PCSK2: variants seen among roughly 807,000 people sequenced by gnomAD.
PCSK2 encodes the protein neuroendocrine convertase 2.
Under a neutral mutation model 69.7 loss-of-function variants are expected in PCSK2, and 14 were observed. The ratio of observed to expected loss-of-function variants is 0.20; its 90% CI spans 0.13 to 0.31. The LOEUF (loss-of-function observed/expected upper bound fraction) is 0.31, where lower values mean the gene tolerates loss of function less well. Among genes scored for constraint, PCSK2 ranks in the 10% least tolerant of loss-of-function variants. PCSK2 has a pLI of 1.00. For synonymous variants in PCSK2, 307 were observed against 320.7 expected, an observed-to-expected ratio of 0.96 and a Z score of 0.46; for missense variants, 544 against 842.5, an observed-to-expected ratio of 0.65 and a Z score of 4.39.
chr20:17,274,139 CAT>C (rs1276100429), intron 2 of PCSK2, among the ~76,000 whole-genome samples: 5 of 152,084 alleles, frequency 3.3e-5, no homozygotes, highest in Non-Finnish European at 5.9e-5. Flanking sequence ...CAACAATAAA[CAT>C]GTGAATAAAA....
At chr20:17,472,374 C>T (rs760220967) in intron 11 of PCSK2, among the ~76,000 whole-genome samples, 2 of 152,202 alleles carry the variant, frequency 1.3e-5, no homozygotes, top group South Asian at 2.1e-4. Context: ...CCAGCACTCC[C>T]GAGCTGCAGA....
intron 5 of PCSK2, among the ~76,000 whole-genome samples, chr20:17,372,950 G>C (rs569497706): frequency 1.2e-4 from 18 of 152,278 alleles, no homozygotes; most frequent in African/African-American, 4.3e-4. Context: ...CAGCCCAGGA[G>C]AGCAATGAAA....
rs115703172 is a variant in PCSK2 at position 17,346,893 on chromosome 20, G to A, written c.283-11434G>A. Among the ~76,000 whole-genome samples the A allele has an allele frequency of 5.2e-3, 792 of 152,192 alleles. 5 individuals are homozygous for A. The highest frequency in any genetic ancestry group is 0.018 in the African/African-American group (757 of 41,520). Reference sequence around the variant, plus strand: ...GAGATTTCACTTTCTCGGGGTTCTCGTTGGCTGCCTTGGCACCTCGCTCCA... The same window carrying A: ...GAGATTTCACTTTCTCGGGGTTCTCATTGGCTGCCTTGGCACCTCGCTCCA... On this transcript the variant is annotated intron_variant, in intron 2 of 11. Transcript: ENST00000262545.
chr20:17,464,613 T>C (rs1454211846), intron 10 of PCSK2: 1 of 152,246 alleles, frequency 6.6e-6, no homozygotes, highest in East Asian at 1.9e-4. Flanking sequence ...CATAGATTAG[T>C]CATTCTTGTT....
chr20:17,309,158 C>T (rs973102004), intron 2 of PCSK2, among the ~76,000 whole-genome samples: 9 of 152,114 alleles, frequency 5.9e-5, no homozygotes, highest in Non-Finnish European at 1.2e-4. Flanking sequence ...GCAATCTGTA[C>T]TGATGAAGCC....
intron 11 of PCSK2, 57 bp from the exon 12 acceptor site, chr20:17,481,527 C>T: frequency 6.5e-7 from 1 of 1,548,250 alleles, no homozygotes. Context: ...CCCTCAAAAT[C>T]CCTTGTAAGG....
chr20:17,227,319 G>A lies in PCSK2; in HGVS notation c.14G>A (p.Cys5Tyr). MKGGCVSQWKAAAGF... is the reference protein window; with the variant it reads MKGGYVSQWKAAAGF... ...TCCCAAAGAAGGATGAAGGGTGGTTGTGTCTCCCAGTGGAAGGCGGCCGCC... is the reference window on the plus strand; with the variant it reads ...TCCCAAAGAAGGATGAAGGGTGGTTATGTCTCCCAGTGGAAGGCGGCCGCC... The change falls in exon 1 of 12, where the codon TGT (cysteine) becomes TAT (tyrosine). Residue 5 changes from cysteine (C) to tyrosine (Y), a missense_variant. Physicochemically the swap from Cys to Tyr is radical, Grantham distance 194. Transcript: ENST00000262545. The A allele has an allele frequency of 1.9e-6, 3 of 1,613,824 alleles. No individual in the cohort carries two copies. The South Asian group carries it at 3.3e-5, about 18-fold the overall frequency.
intron 5 of PCSK2, among the ~76,000 whole-genome samples, chr20:17,398,572 G>A (rs2031567114): frequency 6.6e-6 from 1 of 151,534 alleles, no homozygotes; most frequent in East Asian, 1.9e-4. Flanking sequence ...TCTGGGCTGG[G>A]GCCTGAGATT....
rs2033430565 is a variant in PCSK2, at chr20:17,482,668, G to T, written c.*598G>T. ...GAGCCCTAGTTACTGCATGGGGAAA[G>T]AGATCCAGGAAGCATGAGTGCTGGA... On this transcript the variant is annotated 3_prime_UTR_variant, in exon 12 of 12. Transcript: ENST00000262545. 1 of 152,352 alleles carries T rather than the reference G, an allele frequency of 6.6e-6. No homozygotes were observed. The highest frequency in any genetic ancestry group is 2.1e-4 in the South Asian group (1 of 4,826). The allele number at this position is 152,352 out of a possible 1,614,324, so 9.4% of individuals were successfully genotyped here. A position where few individuals can be genotyped will look rare whatever the true frequency, so the allele number is the denominator to read the frequency against.
chr20:17,406,669 C>A (rs1174316832), intron 5 of PCSK2, among the ~76,000 whole-genome samples: 4 of 152,130 alleles, frequency 2.6e-5, no homozygotes, highest in Non-Finnish European at 5.9e-5. Flanking sequence ...CTCAGACAGA[C>A]CCCAGTGATA....
intron 11 of PCSK2, among the ~76,000 whole-genome samples, chr20:17,471,584 T>A (rs1330764209): frequency 2.6e-5 from 4 of 152,220 alleles, no homozygotes; most frequent in Non-Finnish European, 5.9e-5. Flanking sequence ...CTGCTGGCAA[T>A]AGGACCGGCG....
chr20:17,255,242 G>A (rs1179383929), intron 1 of PCSK2, among the ~76,000 whole-genome samples: 2 of 152,132 alleles, frequency 1.3e-5, no homozygotes, highest in Non-Finnish European at 2.9e-5. Context: ...TCTTGTTCTG[G>A]TCTTAAGAAA....
At chr20:17,309,018 G>A (rs756477602) in intron 2 of PCSK2, among the ~76,000 whole-genome samples, 6 of 152,200 alleles carry the variant, frequency 3.9e-5, no homozygotes, top group African/African-American at 1.4e-4. Context: ...ACTCTTGATG[G>A]AAGAATCTGA....
At chr20:17,432,372 C>T (rs1000647082) in intron 7 of PCSK2, among the ~76,000 whole-genome samples, 1 of 152,184 alleles carries the variant, frequency 6.6e-6, no homozygotes, top group Non-Finnish European at 1.5e-5. Context: ...CCCGCACATA[C>T]GGGATGTCCC....
chr20:17,381,043 G>A (rs1332038473), intron 5 of PCSK2, among the ~76,000 whole-genome samples: 1 of 152,164 alleles, frequency 6.6e-6, no homozygotes, highest in South Asian at 2.1e-4. Context: ...TCTTACATTA[G>A]AGCGGTCTGG....
intron 2 of PCSK2, among the ~76,000 whole-genome samples, chr20:17,347,140 G>A (rs79376373): frequency 6.6e-6 from 1 of 152,102 alleles, no homozygotes; most frequent in Non-Finnish European, 1.5e-5. Context: ...AATCAATACT[G>A]TGCATTCAGC....
chr20:17,265,006 G>A (rs1411539247), intron 2 of PCSK2, among the ~76,000 whole-genome samples: 2 of 152,220 alleles, frequency 1.3e-5, no homozygotes, highest in East Asian at 3.9e-4. Flanking sequence ...TGGGATTATA[G>A]GTGCGTGACA....
chr20:17,429,092 G>C (rs1446728794), intron 6 of PCSK2, among the ~76,000 whole-genome samples: 1 of 139,442 alleles, frequency 7.2e-6, no homozygotes, highest in African/African-American at 2.7e-5. Context: ...CAGATGATTT[G>C]TACCATTGGA....
At chr20:17,348,049 AG>A (rs72072906) in intron 2 of PCSK2, among the ~76,000 whole-genome samples, 3,057 of 62,072 alleles carry the variant, frequency 0.049, 201 homozygotes, top group African/African-American at 0.098. Context: ...AAAGAAAGAA[AG>A]GAAAGAAAGA....
Sources: gnomAD v4.1 joint callset for allele counts (sites outside exome capture counted in the v4.1 genomes callset) on GRCh38, gnomAD v4.1.1 for gene constraint, MANE v1.5 for transcripts, NCBI Gene and HGNC (gene_info 2026-07-23, HGNC 2026-07-21) for gene names.